GARIN5A: variants seen among roughly 807,000 people sequenced by gnomAD.
GARIN5A encodes Golgi-associated RAB2 interactor protein 5A.
the GARIN5A span, among the ~76,000 whole-genome samples, chr19:50,468,574 T>G: frequency 1.7e-3 from 251 of 151,954 alleles, 1 homozygote; most frequent in East Asian, 0.024. Flanking sequence ...CCCTGATGAG[T>G]CCTGACACCA....
At chr19:50,474,742 C>T in the GARIN5A span, among the ~76,000 whole-genome samples, 106 of 152,290 alleles carry the variant, frequency 7.0e-4, 1 homozygote, top group African/African-American at 2.4e-3. Flanking sequence ...CTGCCTTGGC[C>T]TCCCAAAGTG....
chr19:50,467,893 T>G, the GARIN5A span: 2,131 of 1,511,842 alleles, frequency 1.4e-3, no homozygotes, highest in Non-Finnish European at 1.8e-3. Flanking sequence ...ACCGTCGGGG[T>G]CAGGGGTCCC....
chr19:50,470,856 A>G, the GARIN5A span, among the ~76,000 whole-genome samples: 7 of 151,500 alleles, frequency 4.6e-5, no homozygotes, highest in African/African-American at 1.7e-4. Flanking sequence ...GGGTTTCACT[A>G]TGTTGGCCAG....
the GARIN5A span, chr19:50,475,896 G>A: frequency 6.2e-7 from 1 of 1,614,020 alleles, no homozygotes; most frequent in South Asian, 1.1e-5. Context: ...CGCTCTGGAG[G>A]TAGCGTTGGA....
chr19:50,476,145 G>A, the GARIN5A span: 1 of 1,613,460 alleles, frequency 6.2e-7, no homozygotes, highest in Non-Finnish European at 8.5e-7. Context: ...ATCCCACCTG[G>A]TTCCACCTCG....
At chr19:50,469,868 CCA>C in the GARIN5A span, among the ~76,000 whole-genome samples, 3 of 152,178 alleles carry the variant, frequency 2.0e-5, no homozygotes, top group African/African-American at 7.2e-5. Flanking sequence ...CCAACAAACC[CCA>C]GTGTCCCTCA....
the GARIN5A span, chr19:50,475,240 G>A: frequency 6.7e-7 from 1 of 1,484,412 alleles, no homozygotes; most frequent in African/African-American, 1.4e-5. Flanking sequence ...CCTGGGGGTG[G>A]TCTGGACGAG....
the GARIN5A span, among the ~76,000 whole-genome samples, chr19:50,472,243 T>TTATATATACATGTATGTGTGTATTA: frequency 7.5e-6 from 1 of 133,876 alleles, no homozygotes; most frequent in Non-Finnish European, 1.6e-5. Flanking sequence ...TATGTGTGTA[T>TTATATATACATGTATGTGTGTATTA]TATATATACA....
the GARIN5A span, among the ~76,000 whole-genome samples, chr19:50,470,939 C>T: frequency 4.0e-5 from 6 of 151,706 alleles, no homozygotes; most frequent in Admixed American, 1.3e-4. Flanking sequence ...CAGGTGTGAC[C>T]ACCGCGCCCA....
At chr19:50,474,635 G>A in the GARIN5A span, among the ~76,000 whole-genome samples, 3 of 152,006 alleles carry the variant, frequency 2.0e-5, no homozygotes, top group African/African-American at 2.4e-5. Context: ...GTGAGCCACC[G>A]CACCCGGCCC....
At chr19:50,471,958 GTATGTATATATACATGTATGTGTGTA>G in the GARIN5A span, among the ~76,000 whole-genome samples, 1 of 150,756 alleles carries the variant, frequency 6.6e-6, no homozygotes. Flanking sequence ...ATACATGTAT[GTATGTATATATACATGTATGTGTGTA>G]TATGTATATA....
the GARIN5A span, chr19:50,467,682 C>A: frequency 6.3e-7 from 1 of 1,588,502 alleles, no homozygotes; most frequent in Non-Finnish European, 8.6e-7. Flanking sequence ...GGTAGAGCAG[C>A]CGCACCCACT....
chr19:50,475,903 T>G, the GARIN5A span: 1 of 1,613,908 alleles, frequency 6.2e-7, no homozygotes, highest in South Asian at 1.1e-5. Context: ...GAGGTAGCGT[T>G]GGAGCCGTCT....
At chr19:50,476,101 C>G in the GARIN5A span, 3 of 1,611,672 alleles carry the variant, frequency 1.9e-6, no homozygotes, top group Admixed American at 5.0e-5. Flanking sequence ...CCAGGTCCAA[C>G]CCCTCTAGGC....
At chr19:50,476,225 G>T in the GARIN5A span, 1 of 1,613,648 alleles carries the variant, frequency 6.2e-7, no homozygotes, top group Non-Finnish European at 8.5e-7. Context: ...CGACGGGAGC[G>T]GACGGAGGAG....
At chr19:50,469,822 C>G in the GARIN5A span, among the ~76,000 whole-genome samples, 1 of 152,268 alleles carries the variant, frequency 6.6e-6, no homozygotes, top group Admixed American at 6.5e-5. Context: ...CACATATGCG[C>G]GGATGTCCCC....
chr19:50,469,086 C>T, the GARIN5A span, among the ~76,000 whole-genome samples: 10 of 152,142 alleles, frequency 6.6e-5, no homozygotes, highest in African/African-American at 2.2e-4. Flanking sequence ...GGCTCTGGCT[C>T]AACAGGAATA....
chr19:50,474,984 C>T, the GARIN5A span, among the ~76,000 whole-genome samples: 3 of 152,152 alleles, frequency 2.0e-5, no homozygotes, highest in South Asian at 6.2e-4. Flanking sequence ...GCGGATGGGG[C>T]TAAGGGACCC....
At chr19:50,467,580 C>A in the GARIN5A span, 1 of 1,545,152 alleles carries the variant, frequency 6.5e-7, no homozygotes. Flanking sequence ...TCTGGGCCTC[C>A]ACCTCATCAT....
Sources: allele counts gnomAD v4.1 joint callset (sites outside exome capture counted in the v4.1 genomes callset), GRCh38; gene constraint gnomAD v4.1.1; transcripts MANE v1.5; gene names NCBI Gene and HGNC (gene_info 2026-07-23, HGNC 2026-07-21).